Variants in UMAD1 observed in about 807,000 individuals in gnomAD.
The protein encoded by UMAD1 is UBAP1-MVB12-associated (UMA)-domain containing protein 1.
Under a neutral mutation model 6.1 loss-of-function variants are expected in UMAD1, and 8 were observed. The observed-to-expected ratio is 1.30, with a 90% CI of 0.76 to 2.35. The LOEUF is 2.35. Among genes scored for constraint, UMAD1 ranks in the 30% most tolerant of loss-of-function variants. UMAD1 has a pLI of 0.00. For missense variants in UMAD1, 130 were observed against 78.4 expected, an observed-to-expected ratio of 1.66 and a Z score of -2.49; for synonymous variants, 56 against 31.4, an observed-to-expected ratio of 1.78 and a Z score of -2.61.
At chr7:7,737,320 G>A (rs545600671) in intron 2 of UMAD1, among the ~76,000 whole-genome samples, 2 of 152,154 alleles carry the variant, frequency 1.3e-5, no homozygotes, top group African/African-American at 2.4e-5. Flanking sequence ...CTGTTGTGAC[G>A]TTTAGATCTA....
intron 3 of UMAD1, among the ~76,000 whole-genome samples, chr7:7,845,499 A>T (rs866343880): frequency 1.3e-5 from 2 of 152,094 alleles, no homozygotes; most frequent in Admixed American, 6.5e-5. Context: ...TTTAAATGTT[A>T]AGACTAGTGC....
At chr7:7,800,773 G>C (rs549528401) in intron 2 of UMAD1, among the ~76,000 whole-genome samples, 1 of 152,278 alleles carries the variant, frequency 6.6e-6, no homozygotes, top group African/African-American at 2.4e-5. Flanking sequence ...CTCCAGTCAA[G>C]ACTCATGACT....
intron 2 of UMAD1, among the ~76,000 whole-genome samples, chr7:7,757,324 A>G (rs929505622): frequency 3.3e-5 from 5 of 152,206 alleles, no homozygotes; most frequent in African/African-American, 1.2e-4. Flanking sequence ...CTCATTTTTT[A>G]GAATGTTTCC....
rs1453696147 is a variant in UMAD1 at position 7,840,304 on chromosome 7, G to GTA, written c.157-36973_157-36972dup. Among the ~76,000 whole-genome samples the GTA allele has an allele frequency of 1.1e-4, 16 of 152,262 alleles. No individual in the cohort carries two copies. In the East Asian group the frequency reaches 3.1e-3, roughly 29 times the overall value. On this transcript the variant is annotated intron_variant, in intron 3 of 3. Transcript: ENST00000682710. ...GAGAGGATGAAGTGTTGGATGGGTT[G>GTA]TATATGCTCGTGGTCTTCAACCCCG...
intron 3 of UMAD1, among the ~76,000 whole-genome samples, chr7:7,804,489 A>G (rs188211557): frequency 1.3e-3 from 196 of 152,338 alleles, no homozygotes; most frequent in African/African-American, 4.5e-3. Context: ...CCTGGGCAAC[A>G]TGATGAAACC....
intron 2 of UMAD1, among the ~76,000 whole-genome samples, chr7:7,796,001 G>A (rs994034160): frequency 1.3e-5 from 2 of 152,090 alleles, no homozygotes; most frequent in Non-Finnish European, 2.9e-5. Context: ...TCAAGATAGA[G>A]TCACTGGTTC....
intron 3 of UMAD1, among the ~76,000 whole-genome samples, chr7:7,820,349 T>C (rs1563233110): frequency 6.6e-6 from 1 of 152,236 alleles, no homozygotes; most frequent in East Asian, 1.9e-4. Context: ...TCTTTTTAGG[T>C]ATTGATTATA....
chr7:7,784,792 T>C (rs180810591), intron 2 of UMAD1, among the ~76,000 whole-genome samples: 2,465 of 132,446 alleles, frequency 0.019, 92 homozygotes, highest in African/African-American at 0.076. Flanking sequence ...GACGGAGTCT[T>C]GCTGTGTCGC....
At chr7:7,815,576 C>T (rs1381009195) in intron 3 of UMAD1, among the ~76,000 whole-genome samples, 2 of 152,128 alleles carry the variant, frequency 1.3e-5, no homozygotes, top group Non-Finnish European at 2.9e-5. Flanking sequence ...TATAGTTCCT[C>T]ATAGTTGCAA....
chr7:7,744,593 G>GTTTTTTTTTTTTTTTTT (rs377391555), intron 2 of UMAD1, among the ~76,000 whole-genome samples: 1 of 135,874 alleles, frequency 7.4e-6, no homozygotes, highest in African/African-American at 2.7e-5. Flanking sequence ...AATTGTTACT[G>GTTTTTTTTTTTTTTTTT]TTTTTTTTTT....
intron 2 of UMAD1, among the ~76,000 whole-genome samples, chr7:7,755,607 G>A (rs973859309): frequency 1.3e-5 from 2 of 152,178 alleles, no homozygotes; most frequent in African/African-American, 4.8e-5. Flanking sequence ...CAGGCTTAAA[G>A]AAAAGGCTTT....
At chr7:7,865,829 G>A (rs1005135701) in intron 3 of UMAD1, among the ~76,000 whole-genome samples, 3 of 152,158 alleles carry the variant, frequency 2.0e-5, no homozygotes. Flanking sequence ...GTAGATGAGG[G>A]GACTTTGGAG....
intron 3 of UMAD1, among the ~76,000 whole-genome samples, chr7:7,839,478 C>T (rs985899838): frequency 1.4e-4 from 21 of 152,194 alleles, no homozygotes; most frequent in Non-Finnish European, 2.5e-4. Flanking sequence ...GCCACCAAAC[C>T]CGGCCAGATG....
intron 1 of UMAD1, among the ~76,000 whole-genome samples, chr7:7,650,247 G>T (rs552279438): frequency 1.6e-4 from 24 of 152,126 alleles, no homozygotes; most frequent in African/African-American, 2.2e-4. Flanking sequence ...GCTTTATGCA[G>T]TTAATATTTG....
intron 2 of UMAD1, among the ~76,000 whole-genome samples, chr7:7,680,477 C>T (rs1000325965): frequency 1.3e-5 from 2 of 152,014 alleles, no homozygotes; most frequent in East Asian, 1.9e-4. Flanking sequence ...TAGTGTGATT[C>T]GTCTAATTTT....
At chr7:7,742,285 C>G in intron 2 of UMAD1, 1 of 652,634 alleles carries the variant, frequency 1.5e-6, no homozygotes. Context: ...TGTCTTCTGT[C>G]TTCTTCATGG....
intron 2 of UMAD1, among the ~76,000 whole-genome samples, chr7:7,751,313 T>C (rs941949342): frequency 6.6e-6 from 1 of 152,186 alleles, no homozygotes; most frequent in Non-Finnish European, 1.5e-5. Flanking sequence ...TATGTTAAAA[T>C]AGGGCTAAAG....
rs138761665 is a variant in UMAD1 at position 7,843,938 on chromosome 7, T to C, written c.157-33343T>C. ...GCACCCTTGCCTGCCATGCTATATGTTTAAAATTGACATTTGCTTGCAAGA... is the reference window on the plus strand; with the variant it reads ...GCACCCTTGCCTGCCATGCTATATGCTTAAAATTGACATTTGCTTGCAAGA... On this transcript the variant is annotated intron_variant, in intron 3 of 3. Transcript: ENST00000682710. Among the ~76,000 whole-genome samples, 1,420 of 152,258 alleles carry C rather than the reference T, an allele frequency of 9.3e-3. 25 individuals carry two copies. Among genetic ancestry groups the C allele is most frequent in the African/African-American group, 0.032 (1,342 of 41,548 alleles).
chr7:7,847,138 T>G (rs1164088109), intron 3 of UMAD1, among the ~76,000 whole-genome samples: 1 of 82,782 alleles, frequency 1.2e-5, no homozygotes, highest in Non-Finnish European at 2.2e-5. Context: ...TATATATATA[T>G]ATATATATAT....
Sources: allele counts gnomAD v4.1 joint callset (sites outside exome capture counted in the v4.1 genomes callset), GRCh38; gene constraint gnomAD v4.1.1; transcripts MANE v1.5; gene names NCBI Gene and HGNC (gene_info 2026-07-23, HGNC 2026-07-21).